Variants in MSRA observed in about 807,000 individuals in gnomAD.
The protein encoded by MSRA is mitochondrial peptide methionine sulfoxide reductase.
A neutral mutation model predicts 31.3 loss-of-function variants in MSRA; 54 were observed. The ratio of observed to expected loss-of-function variants is 1.73; its 90% CI spans 1.39 to 2.17. The LOEUF (loss-of-function observed/expected upper bound fraction) is 2.17. Ranked by LOEUF, MSRA falls within the 30% of genes most tolerant of loss-of-function variation. The pLI is 0.00. For synonymous variants in MSRA, 169 were observed against 116.5 expected (o/e 1.45, Z -2.90); for missense variants, 507 against 300.9 (o/e 1.69, Z -5.07).
chr8:10,234,260 AAAAT>A (rs1260402126), intron 2 of MSRA, among the ~76,000 whole-genome samples: 1 of 152,192 alleles, frequency 6.6e-6, no homozygotes, highest in African/African-American at 2.4e-5. Context: ...CAATTTTAAA[AAAAT>A]AACCCTCTGT....
chr8:10,133,857 G>T (rs1802073649), intron 1 of MSRA, among the ~76,000 whole-genome samples: 1 of 152,018 alleles, frequency 6.6e-6, no homozygotes, highest in African/African-American at 2.4e-5. Context: ...TTGAGATGGA[G>T]TCTCGCTCTG....
intron 3 of MSRA, among the ~76,000 whole-genome samples, chr8:10,257,934 C>G (rs1279771320): frequency 6.6e-6 from 1 of 152,162 alleles, no homozygotes; most frequent in African/African-American, 2.4e-5. Flanking sequence ...GAGATGAGTT[C>G]ATGAGATTTC....
Position 10,319,176 on chromosome 8 carries a change from C to G in MSRA, c.437-707C>G, listed in dbSNP as rs145759809. On this transcript the variant is annotated intron_variant, in intron 4 of 5. Coordinates refer to ENST00000317173, the MANE Select transcript of MSRA (RefSeq NM_012331.5). ...CTGATTATATTAGGAATGTGACTAG[C>G]TGAAACATGCTACTGGGTCCAATTC... Among the ~76,000 whole-genome samples the G allele has an allele frequency of 1.2e-4, 18 of 152,296 alleles. No homozygotes were observed. The East Asian group carries it at 3.5e-3, about 29-fold the overall frequency.
intron 1 of MSRA, among the ~76,000 whole-genome samples, chr8:10,083,741 T>A (rs753631169): frequency 3.9e-5 from 6 of 152,146 alleles, no homozygotes; most frequent in Admixed American, 2.0e-4. Flanking sequence ...CCCTAAACAG[T>A]GATTTTTGAA....
At chr8:10,291,507 GA>G in intron 3 of MSRA, among the ~76,000 whole-genome samples, 1 of 151,688 alleles carries the variant, frequency 6.6e-6, no homozygotes, top group African/African-American at 2.4e-5. Flanking sequence ...GATGTATTAG[GA>G]TTTTTTTTTT....
intron 5 of MSRA, among the ~76,000 whole-genome samples, chr8:10,372,774 G>C (rs1393733460): frequency 6.6e-6 from 1 of 152,190 alleles, no homozygotes; most frequent in Non-Finnish European, 1.5e-5. Context: ...TATTTTTGAA[G>C]GTTTAAGAGT....
intron 2 of MSRA, among the ~76,000 whole-genome samples, chr8:10,237,375 T>C (rs1019433016): frequency 2.0e-5 from 3 of 152,270 alleles, no homozygotes; most frequent in Admixed American, 6.5e-5. Flanking sequence ...TATCTTTCTA[T>C]TGACATTTGT....
At chr8:10,178,585 G>GT (rs1319540757) in intron 1 of MSRA, among the ~76,000 whole-genome samples, 12 of 152,280 alleles carry the variant, frequency 7.9e-5, no homozygotes, top group African/African-American at 2.9e-4. Context: ...ATATTTTTGT[G>GT]TAAGAAAAAT....
chr8:10,110,054 A>G (rs955508558), intron 1 of MSRA, among the ~76,000 whole-genome samples: 1 of 152,052 alleles, frequency 6.6e-6, no homozygotes, highest in Non-Finnish European at 1.5e-5. Context: ...CTCGGATGGG[A>G]GGCCACTCTG....
chr8:10,099,040 G>C (rs1019505693), intron 1 of MSRA, among the ~76,000 whole-genome samples: 1 of 152,136 alleles, frequency 6.6e-6, no homozygotes, highest in Non-Finnish European at 1.5e-5. Flanking sequence ...AGGGGGTGTG[G>C]TGTATTTTAA....
In MSRA at chr8:10,319,172, C is replaced by T. The variant is rs182380155; in HGVS notation, c.437-711C>T. Reference sequence around the variant, plus strand: ...TCCCCTGATTATATTAGGAATGTGACTAGCTGAAACATGCTACTGGGTCCA... The same window carrying T: ...TCCCCTGATTATATTAGGAATGTGATTAGCTGAAACATGCTACTGGGTCCA... On this transcript the variant is annotated intron_variant, in intron 4 of 5. Coordinates refer to ENST00000317173, the MANE Select transcript of MSRA (RefSeq NM_012331.5). Among the ~76,000 whole-genome samples, 5 of 152,286 alleles carry T rather than the reference C, an allele frequency of 3.3e-5. No individual in the cohort carries two copies. In the East Asian group the frequency reaches 5.8e-4, roughly 18 times the overall value.
intron 1 of MSRA, among the ~76,000 whole-genome samples, chr8:10,110,718 G>A (rs1300036452): frequency 6.6e-6 from 1 of 152,146 alleles, no homozygotes. Flanking sequence ...GCTGACCTGT[G>A]CTGTCTTTGG....
chr8:10,232,350 G>A (rs1381713706), intron 2 of MSRA, among the ~76,000 whole-genome samples: 1 of 152,342 alleles, frequency 6.6e-6, no homozygotes, highest in Admixed American at 6.5e-5. Context: ...AGTAGGCAGA[G>A]GTGGAGAGTG....
chr8:10,274,897 A>G lies in MSRA; in HGVS notation c.332-26637A>G, dbSNP rs887501771. 1.4e-4 allele frequency among the ~76,000 whole-genome samples: 21 copies of G among 152,348 alleles called. 1 individual carries two copies. Among genetic ancestry groups the G allele is most frequent in the African/African-American group, 4.6e-4 (19 of 41,580 alleles). On this transcript the variant is annotated intron_variant, in intron 3 of 5. Transcript: ENST00000317173. ...CAGCCAACCAACCATCTATCCGTCC[A>G]TCCAACCATTCGTCTATCTTCTTTT...
At chr8:10,262,063 C>A (rs1008999454) in intron 3 of MSRA, among the ~76,000 whole-genome samples, 1 of 152,112 alleles carries the variant, frequency 6.6e-6, no homozygotes, top group Non-Finnish European at 1.5e-5. Context: ...TGGCTTATGT[C>A]TTTTTATCAC....
intron 1 of MSRA, among the ~76,000 whole-genome samples, chr8:10,140,137 G>C (rs140292401): frequency 1.2e-3 from 180 of 152,336 alleles, no homozygotes; most frequent in African/African-American, 4.0e-3. Flanking sequence ...GGTGTGATTA[G>C]ACAAAGGAGG....
rs182066911 is a variant in MSRA, at chr8:10,140,258, G to A, written c.143-67575G>A. On this transcript the variant is annotated intron_variant, in intron 1 of 5. Transcript: ENST00000317173. ...GTGGTTGTTCCTTCCTCCAGTTACA[G>A]GGAGGGCACTTCACCAATGAGAATC... is the stretch of plus-strand genomic sequence containing the variant. Among the ~76,000 whole-genome samples, 9 of 152,296 alleles carry A rather than the reference G, an allele frequency of 5.9e-5. No individual in the cohort carries two copies. The East Asian group carries it at 1.5e-3, about 26-fold the overall frequency.
chr8:10,354,943 T>A (rs1804422747), intron 5 of MSRA, among the ~76,000 whole-genome samples: 1 of 152,164 alleles, frequency 6.6e-6, no homozygotes, highest in Non-Finnish European at 1.5e-5. Flanking sequence ...CAGCTGAATC[T>A]TTTCTTGCAT....
chr8:10,108,102 A>AAGT (rs1800015910), intron 1 of MSRA, among the ~76,000 whole-genome samples: 1 of 152,174 alleles, frequency 6.6e-6, no homozygotes, highest in Non-Finnish European at 1.5e-5. Context: ...GGCCTCCCTT[A>AAGT]GCCCAGACTT....
Sources: allele counts gnomAD v4.1 joint callset (sites outside exome capture counted in the v4.1 genomes callset), GRCh38; gene constraint gnomAD v4.1.1; transcripts MANE v1.5; gene names NCBI Gene and HGNC (gene_info 2026-07-23, HGNC 2026-07-21).